SLC9A9: variants seen among roughly 807,000 people sequenced by gnomAD.
The protein encoded by SLC9A9 is solute carrier family 9 member A9, also known as sodium/hydrogen exchanger 9.
SLC9A9 carries 62 observed loss-of-function variants against 77.8 expected under a neutral mutation model. That is an observed-to-expected ratio of 0.80 (90% confidence interval 0.65 to 0.98). The LOEUF is 0.98. Among genes scored for constraint, SLC9A9 ranks in the 50% least tolerant of loss-of-function variants. The probability of loss-of-function intolerance (pLI) is 0.00; values close to 1 mark genes in which losing one functional copy is unlikely to be tolerated. For missense variants in SLC9A9, 775 were observed against 774.9 expected (o/e 1.00, Z 0.00); for synonymous variants, 320 against 283.5 (o/e 1.13, Z -1.29).
intron 4 of SLC9A9, among the ~76,000 whole-genome samples, chr3:143,755,823 G>C (rs2108828277): frequency 6.6e-6 from 1 of 152,018 alleles, no homozygotes; most frequent in African/African-American, 2.4e-5. Context: ...ATGTACAAAT[G>C]CATGTGTGTG....
chr3:143,443,535 T>C (rs1414452108), intron 12 of SLC9A9, among the ~76,000 whole-genome samples: 1 of 152,178 alleles, frequency 6.6e-6, no homozygotes, highest in African/African-American at 2.4e-5. Flanking sequence ...AGGTAAGGGA[T>C]CATAGTAGTC....
At chr3:143,321,763 A>G (rs1022606009) in intron 14 of SLC9A9, among the ~76,000 whole-genome samples, 1 of 152,236 alleles carries the variant, frequency 6.6e-6, no homozygotes, top group Non-Finnish European at 1.5e-5. Context: ...TATAGAGGGA[A>G]TATCAATGGT....
At chr3:143,447,093 A>T (rs2034860236) in intron 12 of SLC9A9, among the ~76,000 whole-genome samples, 2 of 152,292 alleles carry the variant, frequency 1.3e-5, no homozygotes, top group African/African-American at 4.8e-5. Context: ...AGCCTCATCT[A>T]TTGCAAATAT....
chr3:143,358,454 C>A (rs1165502866), intron 14 of SLC9A9, among the ~76,000 whole-genome samples: 1 of 152,204 alleles, frequency 6.6e-6, no homozygotes, highest in Non-Finnish European at 1.5e-5. Context: ...TGTTGGCATA[C>A]AGGAAGTGCT....
At chr3:143,288,950 T>C (rs1938457492) in intron 14 of SLC9A9, among the ~76,000 whole-genome samples, 1 of 152,164 alleles carries the variant, frequency 6.6e-6, no homozygotes, top group Non-Finnish European at 1.5e-5. Context: ...GACTGTAAAA[T>C]GCTCCCTGGT....
chr3:143,553,611 C>G (rs2036930126), intron 8 of SLC9A9, among the ~76,000 whole-genome samples: 1 of 152,158 alleles, frequency 6.6e-6, no homozygotes, highest in East Asian at 1.9e-4. Flanking sequence ...CTATATGCTT[C>G]TATTTACATG....
chr3:143,611,064 G>A lies in SLC9A9; in HGVS notation c.756-32341C>T, dbSNP rs1157797088. 7.9e-5 allele frequency among the ~76,000 whole-genome samples: 12 copies of A among 152,128 alleles called. 1 individual carries two copies. The highest frequency in any genetic ancestry group is 7.9e-4 in the Admixed American group (12 of 15,280). ...CTATTATCAATATTTTCAGAGGCAA[G>A]AGAAGATATTGCATTCATGTAAGGG... On this transcript the variant is annotated intron_variant, in intron 6 of 15. Transcript: ENST00000316549.
intron 6 of SLC9A9, among the ~76,000 whole-genome samples, chr3:143,602,654 T>C (rs1295491585): frequency 6.6e-6 from 1 of 152,210 alleles, no homozygotes; most frequent in Non-Finnish European, 1.5e-5. Context: ...AGTCTAAAAT[T>C]ATAGAGGTTA....
At chr3:143,492,958 A>G (rs1013041031) in intron 11 of SLC9A9, among the ~76,000 whole-genome samples, 1 of 152,232 alleles carries the variant, frequency 6.6e-6, no homozygotes, top group African/African-American at 2.4e-5. Context: ...TTAATTGACT[A>G]AAGATAAACC....
chr3:143,590,614 T>C (rs1367486430), intron 6 of SLC9A9, among the ~76,000 whole-genome samples: 1 of 152,244 alleles, frequency 6.6e-6, no homozygotes, highest in Non-Finnish European at 1.5e-5. Context: ...TCACTAAGCA[T>C]GGACGATCCA....
At chr3:143,667,033 A>T (rs1408998161) in intron 5 of SLC9A9, among the ~76,000 whole-genome samples, 1 of 152,202 alleles carries the variant, frequency 6.6e-6, no homozygotes, top group East Asian at 1.9e-4. Context: ...AGACAATCCT[A>T]AGCCAAAAGA....
At chr3:143,345,891 CA>C (rs2032257041) in intron 14 of SLC9A9, among the ~76,000 whole-genome samples, 1 of 100,176 alleles carries the variant, frequency 1.0e-5, no homozygotes, top group African/African-American at 3.5e-5. Context: ...GGAGAAAGGA[CA>C]GACATTAGTG....
At chr3:143,434,764 T>A (rs762487793) in intron 12 of SLC9A9, among the ~76,000 whole-genome samples, 8 of 152,140 alleles carry the variant, frequency 5.3e-5, no homozygotes, top group African/African-American at 1.7e-4. Flanking sequence ...TTGATTCAGG[T>A]ATAGCTCCCC....
chr3:143,456,647 C>T (rs139563716), intron 12 of SLC9A9, among the ~76,000 whole-genome samples: 1,617 of 151,878 alleles, frequency 0.011, 24 homozygotes, highest in African/African-American at 0.036. Flanking sequence ...TCACTGCAAC[C>T]TCTGCCTCCC....
chr3:143,373,879 G>C (rs1288360215), intron 13 of SLC9A9, among the ~76,000 whole-genome samples: 3 of 152,144 alleles, frequency 2.0e-5, no homozygotes, highest in South Asian at 2.1e-4. Context: ...AGGGCAGTAG[G>C]AACATGGAGA....
At chr3:143,268,395 A>G (rs1186679579) in intron 15 of SLC9A9, among the ~76,000 whole-genome samples, 1 of 152,218 alleles carries the variant, frequency 6.6e-6, no homozygotes, top group African/African-American at 2.4e-5. Flanking sequence ...ATCAGCAACA[A>G]TTGACAAGAG....
At chr3:143,379,528 C>T (rs1203037318) in intron 13 of SLC9A9, among the ~76,000 whole-genome samples, 1 of 152,172 alleles carries the variant, frequency 6.6e-6, no homozygotes, top group Non-Finnish European at 1.5e-5. Flanking sequence ...AGAACACTTA[C>T]AGTATACTTC....
At chr3:143,475,780 A>G (rs1017481888) in intron 11 of SLC9A9, among the ~76,000 whole-genome samples, 19 of 129,588 alleles carry the variant, frequency 1.5e-4, no homozygotes, top group African/African-American at 4.0e-4. Context: ...CGACAGAGCG[A>G]GACTCCATCT....
rs976308539 is a variant in SLC9A9 at position 143,316,772 on chromosome 3, T to C, written c.1604+46712A>G. On this transcript the variant is annotated intron_variant, in intron 14 of 15. Coordinates refer to ENST00000316549, the MANE Select transcript of SLC9A9 (RefSeq NM_173653.4). ...TCAGGGAATGAGAAGGAAAAACATA[T>C]TGACAATATTAAGAGCAAATTCATA... Among the ~76,000 whole-genome samples the C allele has an allele frequency of 9.9e-5, 15 of 152,250 alleles. 1 individual carries two copies. Among genetic ancestry groups the C allele is most frequent in the Admixed American group, 8.5e-4 (13 of 15,302 alleles).
Sources: allele counts gnomAD v4.1 joint callset (sites outside exome capture counted in the v4.1 genomes callset), GRCh38; gene constraint gnomAD v4.1.1; transcripts MANE v1.5; gene names NCBI Gene and HGNC (gene_info 2026-07-23, HGNC 2026-07-21).